Variants in LIPI observed in about 807,000 individuals in gnomAD.
LIPI encodes the protein lipase I.
LIPI carries 59 observed loss-of-function variants against 50.6 expected under a neutral mutation model. The ratio of observed to expected loss-of-function variants is 1.16; its 90% confidence interval spans 0.94 to 1.45. The LOEUF is 1.45. LIPI is among the 40% of genes most tolerant of loss of function. The probability of loss-of-function intolerance (pLI) is 0.00; values close to 1 mark genes in which losing one functional copy is unlikely to be tolerated. For synonymous variants in LIPI, 203 were observed against 178.2 expected, an observed-to-expected ratio of 1.14 and a Z score of -1.11; for missense variants, 586 against 536.3, an observed-to-expected ratio of 1.09 and a Z score of -0.92.
chr21:14,203,842 AAATAT>A (rs1164873213), intron 1 of LIPI, among the ~76,000 whole-genome samples: 1 of 117,026 alleles, frequency 8.5e-6, no homozygotes, highest in East Asian at 2.3e-4. Flanking sequence ...CTAAAACTTA[AAATAT>A]AATAAAAAGA....
chr21:14,142,997 T>C (rs182786001), intron 9 of LIPI, among the ~76,000 whole-genome samples: 203 of 152,244 alleles, frequency 1.3e-3, no homozygotes, highest in African/African-American at 4.8e-3. Context: ...AAAATTGCCC[T>C]GGAAGAGTGT....
intron 7 of LIPI, among the ~76,000 whole-genome samples, chr21:14,153,563 A>G (rs577639035): frequency 3.3e-5 from 5 of 152,328 alleles, no homozygotes; most frequent in African/African-American, 1.2e-4. Context: ...TCAATATGCA[A>G]CCAAGCTCTG....
chr21:14,182,851 A>ATT (rs1568873151), intron 3 of LIPI, among the ~76,000 whole-genome samples: 5 of 152,222 alleles, frequency 3.3e-5, no homozygotes, highest in Non-Finnish European at 7.3e-5. Context: ...ATACAAACAA[A>ATT]TGGAAGAACA....
chr21:14,131,713 C>T (rs2017302765), intron 9 of LIPI, among the ~76,000 whole-genome samples: 1 of 152,048 alleles, frequency 6.6e-6, no homozygotes, highest in African/African-American at 2.4e-5. Context: ...TAGATCCCAA[C>T]CAGAAAGAAT....
chr21:14,140,674 TC>T (rs1463177309), intron 9 of LIPI, among the ~76,000 whole-genome samples: 1 of 152,144 alleles, frequency 6.6e-6, no homozygotes, highest in African/African-American at 2.4e-5. Context: ...AAAGTCTTTT[TC>T]ACTTGTCATT....
At chr21:14,175,458 T>G (rs2019061710) in intron 4 of LIPI, among the ~76,000 whole-genome samples, 1 of 152,202 alleles carries the variant, frequency 6.6e-6, no homozygotes, top group African/African-American at 2.4e-5. Flanking sequence ...TACTGACTGA[T>G]AGTAGGTCTT....
chr21:14,143,194 G>A, intron 9 of LIPI, among the ~76,000 whole-genome samples: 1 of 152,116 alleles, frequency 6.6e-6, no homozygotes, highest in East Asian at 1.9e-4. Context: ...ACAGAGATTA[G>A]TTGAAGATTG....
At chr21:14,175,596 G>A (rs1023252365) in intron 4 of LIPI, among the ~76,000 whole-genome samples, 1 of 151,730 alleles carries the variant, frequency 6.6e-6, no homozygotes. Context: ...GTGTACTTTG[G>A]GAAAATATTA....
rs150584930 is a variant in LIPI, at chr21:14,142,054, A to G, written c.1295+2569T>C. On this transcript the variant is annotated intron_variant, in intron 9 of 9. Transcript: ENST00000681601. ...CAACAAGGGGACAACAACCCCTGTT[A>G]CAATGATGCAAAACTCCTGGCCCCT... 5.4e-3 allele frequency among the ~76,000 whole-genome samples: 830 copies of G among 152,318 alleles called. 8 individuals carry two copies. The highest frequency in any genetic ancestry group is 9.1e-3 in the Non-Finnish European group (616 of 68,030).
Position 14,163,408 on chromosome 21 carries a change from T to A in LIPI, c.1006+11A>T. The A allele has an allele frequency of 1.6e-6, 2 of 1,237,452 alleles. No individual in the cohort carries two copies. The highest frequency in any genetic ancestry group is 2.4e-6 in the Non-Finnish European group (2 of 837,808). 76.7% of individuals were successfully genotyped at this position (1,237,452 alleles called of 1,614,324 possible). A position where few individuals can be genotyped will look rare whatever the true frequency, so the allele number is the denominator to read the frequency against. Reference sequence around the variant, plus strand: ...AAATTTGTTTATTTGTTAAAATTGTTAATAACTTACTACAGAATGGATATG... The same window carrying A: ...AAATTTGTTTATTTGTTAAAATTGTAAATAACTTACTACAGAATGGATATG... On this transcript the variant is annotated intron_variant, in intron 7 of 9. Coordinates refer to ENST00000681601, the MANE Select transcript of LIPI (RefSeq NM_001302998.2).
At chr21:14,190,914 T>C (rs2019648606) in intron 1 of LIPI, among the ~76,000 whole-genome samples, 2 of 152,132 alleles carry the variant, frequency 1.3e-5, no homozygotes, top group Admixed American at 1.3e-4. Flanking sequence ...TACCTGGCCC[T>C]AGAATAAGTA....
At chr21:14,167,206 T>A (rs559714149) in intron 4 of LIPI, among the ~76,000 whole-genome samples, 6 of 152,264 alleles carry the variant, frequency 3.9e-5, no homozygotes, top group Admixed American at 3.9e-4. Flanking sequence ...ACAAAGCAGC[T>A]GGGAAGCTTG....
chr21:14,202,596 T>C (rs1290768019), intron 1 of LIPI, among the ~76,000 whole-genome samples: 4 of 152,140 alleles, frequency 2.6e-5, no homozygotes, highest in Non-Finnish European at 4.4e-5. Flanking sequence ...GATTCCCTAT[T>C]TAATAAATGG....
intron 1 of LIPI, among the ~76,000 whole-genome samples, chr21:14,189,692 A>G (rs925816914): frequency 1.1e-4 from 17 of 152,146 alleles, no homozygotes; most frequent in Non-Finnish European, 1.8e-4. Context: ...AATGGGTGTG[A>G]GCGAAAATAA....
intron 5 of LIPI, 86 bp downstream of exon 5, chr21:14,166,276 C>T (rs2018679555): frequency 1.2e-6 from 1 of 823,898 alleles, no homozygotes; most frequent in Non-Finnish European, 2.1e-6. Context: ...CAAAACACTG[C>T]CTACAGATTA....
intron 9 of LIPI, among the ~76,000 whole-genome samples, chr21:14,141,715 A>T (rs1255645313): frequency 6.6e-6 from 1 of 152,178 alleles, no homozygotes; most frequent in Admixed American, 6.6e-5. Flanking sequence ...ATGTACACAG[A>T]GGGTGGATTA....
intron 7 of LIPI, among the ~76,000 whole-genome samples, chr21:14,158,065 T>A (rs963820974): frequency 2.2e-4 from 33 of 151,800 alleles, no homozygotes; most frequent in South Asian, 1.7e-3. Context: ...TTAGAGGAGA[T>A]TTTTTACTTT....
intron 9 of LIPI, among the ~76,000 whole-genome samples, chr21:14,111,203 A>G (rs1409266356): frequency 6.6e-6 from 1 of 151,904 alleles, no homozygotes; most frequent in Non-Finnish European, 1.5e-5. Flanking sequence ...CATTCTTATC[A>G]GTAGTTATCA....
At chr21:14,165,575 T>A (rs1307000203) in intron 5 of LIPI, among the ~76,000 whole-genome samples, 185 bp from the exon 6 acceptor site, 1 of 152,346 alleles carries the variant, frequency 6.6e-6, no homozygotes, top group Middle Eastern at 3.4e-3. Flanking sequence ...AAATTTAGTA[T>A]GTCTTTTGCA....
Sources: gnomAD v4.1 joint callset for allele counts (sites outside exome capture counted in the v4.1 genomes callset) on GRCh38, gnomAD v4.1.1 for gene constraint, MANE v1.5 for transcripts, NCBI Gene and HGNC (gene_info 2026-07-23, HGNC 2026-07-21) for gene names.